Variants in ZNF827 observed in about 807,000 individuals in gnomAD.
ZNF827 encodes the protein zinc finger protein 827.
ZNF827 carries 13 observed loss-of-function variants against 102.4 expected under a neutral mutation model. The ratio of observed to expected loss-of-function variants is 0.13; its 90% CI spans 0.08 to 0.20. ZNF827 has a LOEUF of 0.20. Ranked by LOEUF, ZNF827 falls within the 10% of genes least tolerant of loss-of-function variation. ZNF827 has a pLI of 1.00. For synonymous variants in ZNF827, 523 were observed against 536.2 expected (o/e 0.98, Z 0.34); for missense variants, 1,103 against 1,344.4 (o/e 0.82, Z 2.81).
chr4:145,915,008 T>C (rs570793676), intron 1 of ZNF827, among the ~76,000 whole-genome samples: 30 of 152,322 alleles, frequency 2.0e-4, no homozygotes, highest in Admixed American at 9.8e-4. Flanking sequence ...GGGTAATTTA[T>C]AAGGAACAGA....
Position 145,761,560 on chromosome 4 carries a change from G to T in ZNF827, c.*56C>A, listed in dbSNP as rs1560881583. The stretch of plus-strand genomic sequence containing the variant: ...GTGGGTCTTGAGGTGGCACTCCATG[G>T]CAGCGGGGCGGTTGGTGGAATAAAT... On this transcript the variant is annotated 3_prime_UTR_variant, in exon 15 of 15. Coordinates refer to ENST00000508784, the MANE Select transcript of ZNF827 (RefSeq NM_001306215.2). This position sits in a 1 kb window ranked among gnomAD's most constrained non-coding sequence, Gnocchi z 6.8. 1.6e-6 allele frequency: 2 copies of T among 1,278,488 alleles called. No homozygotes were observed. The allele number at this position is 1,278,488 out of a possible 1,614,324, so 79.2% of individuals were successfully genotyped here.
chr4:145,794,306 C>G (rs1740152706), intron 8 of ZNF827, among the ~76,000 whole-genome samples: 1 of 152,130 alleles, frequency 6.6e-6, no homozygotes, highest in Admixed American at 6.5e-5. Flanking sequence ...GTGAATTTGC[C>G]TCAATGTCCT....
At chr4:145,772,019 C>T (rs567550950) in intron 11 of ZNF827, among the ~76,000 whole-genome samples, 1 of 152,240 alleles carries the variant, frequency 6.6e-6, no homozygotes, top group Admixed American at 6.5e-5. Context: ...CTTATGGTAC[C>T]ATAGGGTCTA....
At chr4:145,900,184 G>A (rs1164946846) in intron 2 of ZNF827, among the ~76,000 whole-genome samples, 3 of 152,016 alleles carry the variant, frequency 2.0e-5, no homozygotes, top group Middle Eastern at 3.2e-3. Context: ...ACCATTGCTG[G>A]TTATACCGGA....
chr4:145,885,646 GAGA>G, intron 4 of ZNF827, 29 bp downstream of exon 4: 1 of 1,471,882 alleles, frequency 6.8e-7, no homozygotes, highest in Non-Finnish European at 9.0e-7. Flanking sequence ...GAGAGAGAGA[GAGA>G]GAGAGAGAAT....
intron 3 of ZNF827, among the ~76,000 whole-genome samples, chr4:145,889,194 A>C (rs145775311): frequency 1.3e-5 from 2 of 152,334 alleles, no homozygotes; most frequent in African/African-American, 2.4e-5. Flanking sequence ...AAAGGAATAA[A>C]ATTTATTTTA....
chr4:145,885,837 T>C lies in ZNF827; in HGVS notation c.1588A>G (p.Asn530Asp). ...LLVKEEPKEDNGLPTSFTLNA... is the reference protein window; with the variant it reads ...LLVKEEPKEDDGLPTSFTLNA... ...AAAGTAAAGGAGGTGGGCAGGCCGT[T>C]ATCTTCCTTGGGTTCCTCCTTCACC... is the stretch of plus-strand genomic sequence containing the variant. The change falls in exon 4 of 15, where the codon AAC becomes GAC. Residue 530 changes from asparagine to aspartate, a missense_variant. Physicochemically the swap from Asn to Asp is conservative, Grantham distance 23. Transcript: ENST00000508784. 1.2e-6 allele frequency: 2 copies of C among 1,614,178 alleles called. No individual in the cohort carries two copies. Among genetic ancestry groups the C allele is most frequent in the Non-Finnish European group, 1.7e-6 (2 of 1,180,022 alleles).
chr4:145,934,026 T>C lies in ZNF827; in HGVS notation c.43+4339A>G, dbSNP rs182415095. ...CAGGTGATATAGCTCAAAGGGCCTC[T>C]TGGACATTTTTTTAAATATAGTATT... On this transcript the variant is annotated intron_variant, in intron 1 of 14. Transcript: ENST00000508784. Among the ~76,000 whole-genome samples the C allele has an allele frequency of 1.6e-4, 24 of 152,330 alleles. No homozygotes were observed. The East Asian group carries it at 4.4e-3, about 28-fold the overall frequency.
At position 145,902,082 on chromosome 4, in the gene ZNF827, C is replaced by A. The variant is rs1167095713; in HGVS notation, c.1093+84G>T. ...TTCCTGCCTCAGATCAGATGGGGAACCCAACTGAAAAAAGCAATGAATAAG... is the reference window on the plus strand; with the variant it reads ...TTCCTGCCTCAGATCAGATGGGGAAACCAACTGAAAAAAGCAATGAATAAG... On this transcript the variant is annotated intron_variant, in intron 2 of 14. Coordinates refer to ENST00000508784, the MANE Select transcript of ZNF827 (RefSeq NM_001306215.2). This position sits in a 1 kb window ranked among gnomAD's most constrained non-coding sequence, Gnocchi z 4.3. 2.7e-6 allele frequency: 4 copies of A among 1,490,458 alleles called. No homozygotes were observed. The highest frequency in any genetic ancestry group is 2.3e-5 in the East Asian group (1 of 43,328). 92.3% of individuals were successfully genotyped at this position (1,490,458 alleles called of 1,614,324 possible). A position where few individuals can be genotyped will look rare whatever the true frequency, so the allele number is the denominator to read the frequency against.
intron 8 of ZNF827, among the ~76,000 whole-genome samples, chr4:145,813,664 T>A (rs1259670307): frequency 1.3e-5 from 2 of 152,206 alleles, no homozygotes; most frequent in Non-Finnish European, 2.9e-5. Context: ...TTATAATCAG[T>A]CTTACGAGTG....
At chr4:145,777,541 A>G (rs1184152519) in intron 9 of ZNF827, among the ~76,000 whole-genome samples, 1 of 152,176 alleles carries the variant, frequency 6.6e-6, no homozygotes, top group Non-Finnish European at 1.5e-5. Flanking sequence ...TAAATGATCT[A>G]TGTCATCTAA....
chr4:145,893,923 T>A (rs1750791891), intron 2 of ZNF827, among the ~76,000 whole-genome samples: 1 of 150,590 alleles, frequency 6.6e-6, no homozygotes, highest in African/African-American at 2.4e-5. Flanking sequence ...TATGGAAAAA[T>A]AAAGACTTAA....
At chr4:145,856,985 G>A (rs1036963526) in intron 5 of ZNF827, among the ~76,000 whole-genome samples, 4 of 140,152 alleles carry the variant, frequency 2.9e-5, no homozygotes, top group Admixed American at 6.9e-5. Flanking sequence ...GCACGCGCAC[G>A]CACACACACA....
At chr4:145,919,477 A>C (rs182459729) in intron 1 of ZNF827, among the ~76,000 whole-genome samples, 269 of 152,344 alleles carry the variant, frequency 1.8e-3, no homozygotes, top group African/African-American at 5.8e-3. Context: ...ATGCTTTAGC[A>C]AAGGAAGGAC....
chr4:145,774,713 G>A (rs1481318557), intron 10 of ZNF827, 41 bp from the exon 11 acceptor site: 5 of 1,595,270 alleles, frequency 3.1e-6, no homozygotes, highest in South Asian at 2.3e-5. Flanking sequence ...AGAGAAAAGG[G>A]TGACACATAC....
chr4:145,822,623 C>T (rs1385207788), intron 8 of ZNF827, among the ~76,000 whole-genome samples: 1 of 151,822 alleles, frequency 6.6e-6, no homozygotes, highest in Non-Finnish European at 1.5e-5. Context: ...AGATCCTCTC[C>T]ACAGCTGGGA....
chr4:145,814,144 C>T (rs555323207), intron 8 of ZNF827, among the ~76,000 whole-genome samples: 1 of 152,270 alleles, frequency 6.6e-6, no homozygotes, highest in African/African-American at 2.4e-5. Context: ...ATTTGGGATG[C>T]TCATCCAGTA....
chr4:145,932,314 G>C (rs372091676), intron 1 of ZNF827, among the ~76,000 whole-genome samples: 2 of 152,342 alleles, frequency 1.3e-5, no homozygotes, highest in African/African-American at 4.8e-5. Context: ...AACAGTGGAT[G>C]AGAGTTTTTC....
At chr4:145,836,811 T>C (rs1299122652) in intron 7 of ZNF827, among the ~76,000 whole-genome samples, 1 of 151,484 alleles carries the variant, frequency 6.6e-6, no homozygotes, top group Admixed American at 6.6e-5. Flanking sequence ...GCCCGCCTCT[T>C]AGAACCTCTC....
Sources: gnomAD v4.1 joint callset for allele counts (sites outside exome capture counted in the v4.1 genomes callset) on GRCh38, gnomAD v4.1.1 for gene constraint, Gnocchi (gnomAD v3.1) non-coding constraint, MANE v1.5 for transcripts, NCBI Gene and HGNC (gene_info 2026-07-23, HGNC 2026-07-21) for gene names.